Variants in SH3RF3 observed in about 807,000 individuals in gnomAD.
SH3RF3 encodes the protein SH3 domain containing ring finger 3, also known as E3 ubiquitin-protein ligase SH3RF3.
Under a neutral mutation model 66.3 loss-of-function variants are expected in SH3RF3, and 29 were observed. The observed-to-expected ratio is 0.44, with a 90% CI of 0.33 to 0.60. The LOEUF (loss-of-function observed/expected upper bound fraction) is 0.60, where lower values mean the gene tolerates loss of function less well. Among genes scored for constraint, SH3RF3 ranks in the 20% least tolerant of loss-of-function variants. The probability of loss-of-function intolerance (pLI) is 0.04; values close to 1 mark genes in which losing one functional copy is unlikely to be tolerated. For synonymous variants in SH3RF3, 583 were observed against 532.0 expected (o/e 1.10, Z -1.32); for missense variants, 1,194 against 1,190.9 (o/e 1.00, Z -0.04).
At chr2:109,498,692 T>G (rs929661965) in intron 9 of SH3RF3, among the ~76,000 whole-genome samples, 7 of 152,042 alleles carry the variant, frequency 4.6e-5, no homozygotes, top group South Asian at 2.1e-4. Flanking sequence ...CAGGGAACTG[T>G]GGGGGGTCCT....
intron 1 of SH3RF3, among the ~76,000 whole-genome samples, chr2:109,144,203 G>T (rs2104843506): frequency 6.6e-6 from 1 of 152,304 alleles, no homozygotes; most frequent in South Asian, 2.1e-4. Context: ...GTATTTTCAT[G>T]ACACCACGAA....
intron 3 of SH3RF3, among the ~76,000 whole-genome samples, chr2:109,394,558 ATGT>A (rs1415683953): frequency 1.3e-5 from 2 of 152,150 alleles, no homozygotes; most frequent in African/African-American, 4.8e-5. Context: ...TAAAATATTG[ATGT>A]TATCATTTTG....
Position 109,129,589 on chromosome 2 carries a change from G to A in SH3RF3, c.49G>A (p.Ala17Thr), listed in dbSNP as rs1310631597. The change falls in exon 1 of 10, where the codon GCT (alanine) becomes ACT (threonine). Residue 17 changes from alanine to threonine, a missense_variant. Physicochemically the swap from Ala to Thr is moderately conservative, Grantham distance 58 (BLOSUM62 0). Transcript: ENST00000309415. ...GTGCGCATCCAAGGCGGCCGCCGCT[G>A]CTGCGCAGAGCGAGGGCGACGAGGA... ...WLCASKAAAA[A>T]AQSEGDEDRP... is the part of the protein sequence containing the mutation. 2.0e-6 allele frequency: 3 copies of A among 1,482,702 alleles called. No individual in the cohort carries two copies. The highest frequency in any genetic ancestry group is 2.9e-5 in the African/African-American group (2 of 67,974). The allele number at this position is 1,482,702 out of a possible 1,614,324, so 91.8% of individuals were successfully genotyped here.
chr2:109,341,993 G>C (rs1682561195), intron 1 of SH3RF3, among the ~76,000 whole-genome samples: 2 of 152,202 alleles, frequency 1.3e-5, no homozygotes, highest in African/African-American at 4.8e-5. Context: ...ACCCCGCAGT[G>C]CTTGGTGTGT....
intron 2 of SH3RF3, among the ~76,000 whole-genome samples, chr2:109,369,175 T>A (rs1224839170): frequency 6.7e-6 from 1 of 149,740 alleles, no homozygotes; most frequent in Middle Eastern, 3.2e-3. Context: ...AAACCCCGTC[T>A]CTTCTTAAAA....
chr2:109,185,655 C>T (rs1282498345), intron 1 of SH3RF3, among the ~76,000 whole-genome samples: 3 of 152,112 alleles, frequency 2.0e-5, no homozygotes, highest in African/African-American at 7.2e-5. Flanking sequence ...TCAGACACTC[C>T]TGGTTCACCT....
intron 1 of SH3RF3, among the ~76,000 whole-genome samples, chr2:109,344,589 G>A (rs1682639669): frequency 6.6e-6 from 1 of 152,234 alleles, no homozygotes; most frequent in Non-Finnish European, 1.5e-5. Context: ...TGGGCATCCA[G>A]CCCATGACAG....
chr2:109,147,256 A>G (rs1677121353), intron 1 of SH3RF3, among the ~76,000 whole-genome samples: 1 of 152,128 alleles, frequency 6.6e-6, no homozygotes, highest in South Asian at 2.1e-4. Flanking sequence ...TTTGCTCGAA[A>G]GATGTAAATA....
intron 1 of SH3RF3, among the ~76,000 whole-genome samples, chr2:109,173,424 C>T (rs942846374): frequency 6.6e-6 from 1 of 152,116 alleles, no homozygotes; most frequent in South Asian, 2.1e-4. Context: ...TGGAAGAATT[C>T]GGATAAATGA....
chr2:109,201,632 G>A (rs1161681717), intron 1 of SH3RF3, among the ~76,000 whole-genome samples: 2 of 152,188 alleles, frequency 1.3e-5, no homozygotes, highest in South Asian at 2.1e-4. Flanking sequence ...CATGGCCTTC[G>A]TTTGGGACGT....
intron 1 of SH3RF3, among the ~76,000 whole-genome samples, chr2:109,215,313 CAAT>C (rs1210270696): frequency 2.6e-5 from 4 of 152,138 alleles, no homozygotes; most frequent in Non-Finnish European, 5.9e-5. Flanking sequence ...CTTCATTATA[CAAT>C]TGTTTTGTGA....
intron 1 of SH3RF3, among the ~76,000 whole-genome samples, chr2:109,334,747 G>A (rs1252229388): frequency 6.6e-6 from 1 of 151,428 alleles, no homozygotes; most frequent in Non-Finnish European, 1.5e-5. Context: ...GAGGCGATGG[G>A]CCACAGAGGC....
intron 1 of SH3RF3, among the ~76,000 whole-genome samples, chr2:109,298,634 C>G: frequency 6.6e-6 from 1 of 152,164 alleles, no homozygotes; most frequent in East Asian, 1.9e-4. Flanking sequence ...TCAAATGCTC[C>G]TCGGAGCACA....
intron 6 of SH3RF3, among the ~76,000 whole-genome samples, chr2:109,433,199 T>C (rs1677295520): frequency 6.6e-6 from 1 of 152,208 alleles, no homozygotes; most frequent in South Asian, 2.1e-4. Context: ...TGTATGCATG[T>C]GTGTGCAGTG....
intron 1 of SH3RF3, among the ~76,000 whole-genome samples, chr2:109,160,301 G>A (rs1355707435): frequency 6.6e-6 from 1 of 152,206 alleles, no homozygotes; most frequent in Non-Finnish European, 1.5e-5. Flanking sequence ...GACAGAGGAG[G>A]CCAGAGAGGG....
At chr2:109,284,192 G>A (rs1680965040) in intron 1 of SH3RF3, among the ~76,000 whole-genome samples, 1 of 152,208 alleles carries the variant, frequency 6.6e-6, no homozygotes. Context: ...GGGGCCTGCA[G>A]TTTTCTCAAG....
At chr2:109,265,613 G>A (rs2105303213) in intron 1 of SH3RF3, among the ~76,000 whole-genome samples, 1 of 152,328 alleles carries the variant, frequency 6.6e-6, no homozygotes, top group African/African-American at 2.4e-5. Context: ...GCCCCCCAGG[G>A]GCCTGCATGG....
At chr2:109,319,066 C>G (rs1473103637) in intron 1 of SH3RF3, among the ~76,000 whole-genome samples, 1 of 152,174 alleles carries the variant, frequency 6.6e-6, no homozygotes, top group African/African-American at 2.4e-5. Flanking sequence ...TGTATCCTGC[C>G]TGGAACAGCT....
chr2:109,260,727 C>T (rs936024543), intron 1 of SH3RF3, among the ~76,000 whole-genome samples: 9 of 152,180 alleles, frequency 5.9e-5, no homozygotes, highest in Non-Finnish European at 1.2e-4. Context: ...TGGCCTGATA[C>T]TGTCCATGGG....
Sources: allele counts gnomAD v4.1 joint callset (sites outside exome capture counted in the v4.1 genomes callset), GRCh38; gene constraint gnomAD v4.1.1; transcripts MANE v1.5; gene names NCBI Gene and HGNC (gene_info 2026-07-23, HGNC 2026-07-21).